The following CECR2 variants were observed in gnomAD, a reference collection of about 807,000 sequenced individuals.
CECR2 encodes the protein chromatin remodeling regulator CECR2.
Under a neutral mutation model 154.5 loss-of-function variants are expected in CECR2, and 30 were observed. That is an observed-to-expected ratio of 0.19 (90% CI 0.15 to 0.26). The LOEUF (loss-of-function observed/expected upper bound fraction) is 0.26, where lower values mean the gene tolerates loss of function less well. CECR2 is among the 10% of genes least tolerant of loss of function. The pLI is 1.00. For synonymous variants in CECR2, 725 were observed against 683.7 expected, an observed-to-expected ratio of 1.06 and a Z score of -0.94; for missense variants, 1,743 against 1,829.3, an observed-to-expected ratio of 0.95 and a Z score of 0.86.
At chr22:17,399,824 T>C (rs1380822280) in intron 1 of CECR2, among the ~76,000 whole-genome samples, 4 of 152,230 alleles carry the variant, frequency 2.6e-5, no homozygotes, top group Admixed American at 1.3e-4. Context: ...TTTCATCATT[T>C]CCCAACTTTC....
intron 8 of CECR2, among the ~76,000 whole-genome samples, chr22:17,520,255 G>A (rs1231436587): frequency 1.3e-5 from 2 of 152,100 alleles, no homozygotes; most frequent in Non-Finnish European, 2.9e-5. Flanking sequence ...GGGGAGAGTG[G>A]CCAGAATACA....
intron 1 of CECR2, among the ~76,000 whole-genome samples, chr22:17,412,426 G>A (rs2054081127): frequency 6.6e-6 from 1 of 151,998 alleles, no homozygotes; most frequent in Admixed American, 6.6e-5. Context: ...TCACTACTTT[G>A]TGTGCCCAAA....
intron 1 of CECR2, 152 bp from the exon 2 acceptor site, chr22:17,477,435 CA>C: frequency 1.6e-6 from 1 of 624,302 alleles, no homozygotes; most frequent in Non-Finnish European, 2.8e-6. Flanking sequence ...GCTCTTCTCA[CA>C]GTAGCCAGAA....
upstream of CECR2, among the ~76,000 whole-genome samples, chr22:17,367,670 A>G (rs575032043): frequency 0.019 from 2,939 of 152,286 alleles, 128 homozygotes; most frequent in East Asian, 0.2. Context: ...TACAGGCGTA[A>G]GCCACCGCGC....
intron 1 of CECR2, among the ~76,000 whole-genome samples, chr22:17,426,810 C>T (rs538650865): frequency 6.6e-6 from 1 of 152,080 alleles, no homozygotes; most frequent in African/African-American, 2.4e-5. Context: ...CTCTCTGTGT[C>T]CTATAAATTG....
At chr22:17,540,381 C>A in intron 13 of CECR2, 31 bp from the exon 14 acceptor site, 1 of 1,478,824 alleles carries the variant, frequency 6.8e-7, no homozygotes, top group African/African-American at 1.4e-5. Flanking sequence ...GTAAACTATA[C>A]CTAGAAGTCA....
chr22:17,388,777 A>T, intron 1 of CECR2, among the ~76,000 whole-genome samples: 1 of 151,834 alleles, frequency 6.6e-6, no homozygotes, highest in South Asian at 2.1e-4. Context: ...CTCTACTGTA[A>T]CTCTGGGTTG....
At chr22:17,365,204 A>G (rs1321877772), upstream of CECR2, among the ~76,000 whole-genome samples, 1 of 152,120 alleles carries the variant, frequency 6.6e-6, no homozygotes, top group Admixed American at 6.6e-5. Flanking sequence ...AGCCTGGGCA[A>G]CAAGAGTGAA....
At chr22:17,551,163 C>T (rs367738237) in intron 17 of CECR2, among the ~76,000 whole-genome samples, 2 of 152,162 alleles carry the variant, frequency 1.3e-5, no homozygotes, top group African/African-American at 4.8e-5. Flanking sequence ...TGGCCCTTAA[C>T]CCCTCAATAC....
chr22:17,487,466 G>A lies in CECR2; in HGVS notation c.221+9784G>A, dbSNP rs200370414. 2.2e-3 allele frequency among the ~76,000 whole-genome samples: 333 copies of A among 152,292 alleles called. 3 individuals are homozygous for A. The East Asian group carries it at 0.027, about 12-fold the overall frequency. ...TGTAATCCCAGCACTTTGGGAGGCCGAGGCGGGTGGATCACTAGGTCAGGA... is the reference window on the plus strand; with the variant it reads ...TGTAATCCCAGCACTTTGGGAGGCCAAGGCGGGTGGATCACTAGGTCAGGA... On this transcript the variant is annotated intron_variant, in intron 2 of 18. Coordinates refer to ENST00000262608, the MANE Select transcript of CECR2 (RefSeq NM_001290047.2).
intron 1 of CECR2, among the ~76,000 whole-genome samples, chr22:17,469,860 A>G (rs940759939): frequency 1.3e-5 from 2 of 152,202 alleles, no homozygotes; most frequent in African/African-American, 4.8e-5. Context: ...TCATAGCAGC[A>G]TGCCTCTGCC....
chr22:17,533,700 T>TTTTGTTTGTTTGTTTG (rs34947830), intron 9 of CECR2, among the ~76,000 whole-genome samples: 16 of 150,052 alleles, frequency 1.1e-4, no homozygotes, highest in African/African-American at 3.9e-4. Flanking sequence ...AAGGGCCTTT[T>TTTTGTTTGTTTGTTTG]TTTGTTTGTT....
In CECR2 at chr22:17,477,688, T is replaced by G. The variant is rs763085286; in HGVS notation, c.221+6T>G. 1 of 1,586,882 alleles carries G rather than the reference T, an allele frequency of 6.3e-7. No individual in the cohort carries two copies. The highest frequency in any genetic ancestry group is 1.1e-5 in the South Asian group (1 of 90,560). ...TATCAACGAAGAGATATCACGTGAG[T>G]AATTCTGATCTTTCTAAGCATTTCT... is the stretch of plus-strand genomic sequence containing the variant. On this transcript the variant is annotated splice_donor_region_variant and intron_variant, in intron 2 of 18. Coordinates refer to ENST00000262608, the MANE Select transcript of CECR2 (RefSeq NM_001290047.2).
intron 1 of CECR2, among the ~76,000 whole-genome samples, chr22:17,380,718 C>T (rs184318021): frequency 1.1e-4 from 17 of 152,326 alleles, no homozygotes; most frequent in Admixed American, 1.0e-3. Flanking sequence ...CACTGCTTCA[C>T]GTTTTCAATG....
rs180837683 is a variant in CECR2 at position 17,541,191 on chromosome 22, C to T, written c.1884+391C>T. Among the ~76,000 whole-genome samples, 17 of 152,192 alleles carry T rather than the reference C, an allele frequency of 1.1e-4. 1 individual carries two copies. Among genetic ancestry groups the T allele is most frequent in the Admixed American group, 6.5e-4 (10 of 15,278 alleles). On this transcript the variant is annotated intron_variant, in intron 14 of 18. Transcript: ENST00000262608. ...ATGTAATCTGGCTGGGCGCAGTGGC[C>T]CACTCTTGCAATCCCAGCACTTTGG...
chr22:17,431,626 G>A (rs1055197629), intron 1 of CECR2, among the ~76,000 whole-genome samples: 4 of 152,066 alleles, frequency 2.6e-5, no homozygotes, highest in Non-Finnish European at 2.9e-5. Context: ...TAAAATAGGA[G>A]CAAAGAAAAC....
chr22:17,518,130 C>T (rs958089698), intron 8 of CECR2, among the ~76,000 whole-genome samples: 21 of 113,330 alleles, frequency 1.9e-4, no homozygotes, highest in African/African-American at 5.4e-4. Flanking sequence ...TCAGTCTCTT[C>T]TACTTCCTTT....
At chr22:17,382,731 G>A (rs567117096) in intron 1 of CECR2, among the ~76,000 whole-genome samples, 7 of 151,350 alleles carry the variant, frequency 4.6e-5, no homozygotes, top group Non-Finnish European at 7.4e-5. Context: ...ATGGTGAAAC[G>A]CTTTCTCTAC....
intron 2 of CECR2, among the ~76,000 whole-genome samples, chr22:17,487,524 C>G (rs2055443244): frequency 6.6e-6 from 1 of 152,014 alleles, no homozygotes; most frequent in Non-Finnish European, 1.5e-5. Flanking sequence ...GCGGTGAAAC[C>G]CCGTCTGTAC....
Sources: gnomAD v4.1 joint callset for allele counts (sites outside exome capture counted in the v4.1 genomes callset) on GRCh38, gnomAD v4.1.1 for gene constraint, MANE v1.5 for transcripts, NCBI Gene and HGNC (gene_info 2026-07-23, HGNC 2026-07-21) for gene names.